Variants in TEP1 observed in about 807,000 individuals in gnomAD.
TEP1 encodes the protein telomerase associated protein 1.
Under a neutral mutation model 306.3 loss-of-function variants are expected in TEP1, and 241 were observed. The observed-to-expected ratio is 0.79, with a 90% confidence interval of 0.71 to 0.88. The LOEUF (loss-of-function observed/expected upper bound fraction) is 0.88, where lower values mean the gene tolerates loss of function less well. TEP1 is among the 40% of genes least tolerant of loss of function. TEP1 has a pLI of 0.00. For missense variants in TEP1, 3,051 were observed against 3,276.1 expected (o/e 0.93, Z 1.68); for synonymous variants, 1,289 against 1,305.5 (o/e 0.99, Z 0.27).
chr14:20,384,267 CCATG>C, intron 23 of TEP1, 35 bp from the exon 24 acceptor site: 2 of 1,609,808 alleles, frequency 1.2e-6, no homozygotes, highest in South Asian at 2.2e-5. Flanking sequence ...ATCCATGGTG[CCATG>C]CTCCTCAGCA....
At chr14:20,408,607 G>A in intron 1 of TEP1, 144 bp from the exon 2 acceptor site, 1 of 680,158 alleles carries the variant, frequency 1.5e-6, no homozygotes, top group Non-Finnish European at 2.4e-6. Context: ...CCAGGACTGG[G>A]TTCATCCAGA....
chr14:20,388,163 G>A (rs1276626758), intron 17 of TEP1, 100 bp from the exon 18 acceptor site: 1 of 1,353,056 alleles, frequency 7.4e-7, no homozygotes, highest in Non-Finnish European at 1.0e-6. Flanking sequence ...TCCAGGTTTG[G>A]TGACCAGTTA....
At chr14:20,389,528 G>C in intron 16 of TEP1, 82 bp downstream of exon 16, 1 of 1,573,140 alleles carries the variant, frequency 6.4e-7, no homozygotes, top group Non-Finnish European at 8.6e-7. Context: ...CCAAGTGGGA[G>C]TGTCCTATGC....
intron 12 of TEP1, among the ~76,000 whole-genome samples, chr14:20,392,549 T>G (rs1245758239): frequency 6.6e-6 from 1 of 152,236 alleles, no homozygotes; most frequent in Admixed American, 6.5e-5. Context: ...ATATGGGATA[T>G]TCTTTGGGGT....
chr14:20,378,453 C>T lies in TEP1; in HGVS notation c.5435G>A (p.Gly1812Glu), dbSNP rs780360599. 9 of 1,614,222 alleles carry T rather than the reference C, an allele frequency of 5.6e-6. No individual in the cohort carries two copies. The Admixed American group carries it at 1.5e-4, about 27-fold the overall frequency. ...SLNCVAFHPE[G>E]QVIATGSWAG... ...CCAGCTGCCTGTGGCTATTACCTGC[C>T]CCTCTGGGTGGAAGGCAACACAGTT... The change falls in exon 38 of 55, where the codon GGG (glycine) becomes GAG (glutamate). Residue 1812 changes from glycine (G) to glutamate (E), a missense_variant. This residue lies in a region of TEP1 where 1,540 missense variants were observed against 1,705.9 expected (regional missense o/e 0.90). Transcript: ENST00000262715.
At chr14:20,402,612 G>C (rs567465613) in intron 7 of TEP1, among the ~76,000 whole-genome samples, 49 of 152,154 alleles carry the variant, frequency 3.2e-4, no homozygotes, top group African/African-American at 7.7e-4. Flanking sequence ...CATTTAATAC[G>C]TGAGAAAACT....
In TEP1 at chr14:20,376,953, C is replaced by T. The variant is rs187016543; in HGVS notation, c.6088+327G>A. Among the ~76,000 whole-genome samples the T allele has an allele frequency of 1.4e-3, 212 of 152,288 alleles. 1 individual carries two copies. The highest frequency in any genetic ancestry group is 1.1e-3 in the Admixed American group (17 of 15,304). The stretch of plus-strand genomic sequence containing the variant: ...TTTGTGGGCCAGGCGCAATGGCTCA[C>T]GTCTGTAATCCCAGCACTTTGGGAG... On this transcript the variant is annotated intron_variant, in intron 41 of 54. Transcript: ENST00000262715.
chr14:20,374,884 G>A (rs1885080337), intron 43 of TEP1, among the ~76,000 whole-genome samples: 1 of 152,080 alleles, frequency 6.6e-6, no homozygotes, highest in Non-Finnish European at 1.5e-5. Flanking sequence ...GAGGTCAGGA[G>A]TTCAAGACCA....
rs1566435324 is a variant in TEP1 at position 20,369,336 on chromosome 14, A to G, written c.7656+8T>C. 6.2e-7 allele frequency: 1 copy of G among 1,614,010 alleles called. No homozygotes were observed. The highest frequency in any genetic ancestry group is 8.5e-7 in the Non-Finnish European group (1 of 1,179,950). The stretch of plus-strand genomic sequence containing the variant: ...CCCTAGTATTTCTGACCCTTCCTTC[A>G]AACTCACCTTTCTACGCTGCCGTGT... On this transcript the variant is annotated splice_region_variant and intron_variant, in intron 53 of 54. Transcript: ENST00000262715.
intron 11 of TEP1, 98 bp downstream of exon 11, chr14:20,395,761 T>A: frequency 2.0e-6 from 3 of 1,507,708 alleles, no homozygotes; most frequent in Middle Eastern, 1.7e-4. Flanking sequence ...CGATACACCC[T>A]GAGACTGCAA....
In TEP1 at chr14:20,403,401, C is replaced by G; in HGVS notation, c.1242G>C (p.Gly414=). The change falls in exon 7 of 55, where the codon GGG becomes GGC. Residue 414 remains glycine, a synonymous_variant. Coordinates refer to ENST00000262715, the MANE Select transcript of TEP1 (RefSeq NM_007110.5). ...FSHRCFPRYI[G]FLREEQRKFE... is the part of the protein sequence containing the mutation. ...CCTTTCTCTGCTCTTCTCTGAGAAACCCTATGTACCTTGGAAAACATCTGT... is the reference window on the plus strand; with the variant it reads ...CCTTTCTCTGCTCTTCTCTGAGAAAGCCTATGTACCTTGGAAAACATCTGT... 6.2e-7 allele frequency: 1 copy of G among 1,614,166 alleles called. No homozygotes were observed. The highest frequency in any genetic ancestry group is 8.5e-7 in the Non-Finnish European group (1 of 1,180,036).
Position 20,381,319 on chromosome 14 carries a change from G to T in TEP1, c.4641C>A (p.Tyr1547Ter). The T allele has an allele frequency of 6.2e-7, 1 of 1,614,198 alleles. No individual in the cohort carries two copies. The highest frequency in any genetic ancestry group is 8.5e-7 in the Non-Finnish European group (1 of 1,180,000). Residue 1547 changes from tyrosine to a stop codon, truncating the protein, a stop_gained, in exon 32 of 55, where the codon TAC (tyrosine) becomes TAA (stop). Coordinates refer to ENST00000262715, the MANE Select transcript of TEP1 (RefSeq NM_007110.5). LOFTEE classifies it high-confidence loss of function. The surrounding 1 kb of genome is among the most constrained non-coding windows in gnomAD (Gnocchi z 4.0). ...CPPEALGDLP[Y>*]HLLQSGNRGL... Reference sequence around the variant, plus strand: ...ATGGGGTCTAGGAACTAACCAGGTGGTAAGGCAGGTCTCCCAGAGCCTCAG... The same window carrying T: ...ATGGGGTCTAGGAACTAACCAGGTGTTAAGGCAGGTCTCCCAGAGCCTCAG...
At chr14:20,398,376 C>CAA (rs202032916) in intron 9 of TEP1, among the ~76,000 whole-genome samples, 6 of 89,072 alleles carry the variant, frequency 6.7e-5, no homozygotes, top group African/African-American at 7.2e-5. Flanking sequence ...AGACTCCGCC[C>CAA]AAAAAAAAAA....
chr14:20,396,783 G>C (rs1376203182), intron 9 of TEP1, 53 bp from the exon 10 acceptor site: 1 of 1,299,230 alleles, frequency 7.7e-7, no homozygotes, highest in Non-Finnish European at 1.1e-6. Flanking sequence ...GCCAGGCACA[G>C]TGGCATGCAC....
chr14:20,407,947 C>T lies in TEP1; in HGVS notation c.493G>A (p.Gly165Arg), dbSNP rs1267680085. The change falls in exon 2 of 55, where the codon GGA becomes AGA. Residue 165 changes from glycine to arginine, a missense_variant. Coordinates refer to ENST00000262715, the MANE Select transcript of TEP1 (RefSeq NM_007110.5). ...PSWRAQHFSK[G>R]LDLSTCPIAL... ...ATAGGGCAGGTTGAAAGGTCTAGTC[C>T]CTTAGAGAAATGCTGAGCCCTCCAA... The T allele has an allele frequency of 1.9e-6, 3 of 1,614,024 alleles. No individual in the cohort carries two copies. The highest frequency in any genetic ancestry group is 2.7e-5 in the African/African-American group (2 of 74,898).
chr14:20,396,103 A>G (rs1166711645), intron 10 of TEP1, among the ~76,000 whole-genome samples, 154 bp from the exon 11 acceptor site: 1 of 152,200 alleles, frequency 6.6e-6, no homozygotes, highest in Non-Finnish European at 1.5e-5. Context: ...GAAAGAAAAA[A>G]GTCATCATTT....
At chr14:20,406,506 T>G (rs925454040) in intron 2 of TEP1, 106 bp from the exon 3 acceptor site, 1 of 1,124,896 alleles carries the variant, frequency 8.9e-7, no homozygotes, top group African/African-American at 1.5e-5. Flanking sequence ...TACATCTCCA[T>G]TAATAGCACC....
rs773750181 is a variant in TEP1 at position 20,369,488 on chromosome 14, C to T, written c.7512G>A (p.Met2504Ile). Residue 2504 changes from methionine (M) to isoleucine (I), a missense_variant, in exon 53 of 55, where the codon ATG (methionine) becomes ATA (isoleucine). By Grantham distance (10) the Met-to-Ile change is conservative. Transcript: ENST00000262715. ...CTGGAGTGTTTGCTTTTTTCTGCCA[C>T]ATGTTACCTGTGGTCCATTCTCCTT... Reference protein sequence around the residue: ...SPEGEWTTGNMWQKKANTPET... With the variant: ...SPEGEWTTGNIWQKKANTPET... 16 of 1,614,162 alleles carry T rather than the reference C, an allele frequency of 9.9e-6. No individual in the cohort carries two copies. The highest frequency in any genetic ancestry group is 1.4e-5 in the Non-Finnish European group (16 of 1,180,028).
At position 20,371,334 on chromosome 14, in the gene TEP1, T is replaced by G. The variant is rs1282593701; in HGVS notation, c.7221-20A>C. ...CTGCTCCTGGTTTGTGAGAAAGGAA[T>G]AGGTTGAGCTCAGGATTTAAAGAGA... On this transcript the variant is annotated intron_variant, in intron 50 of 54. Coordinates refer to ENST00000262715, the MANE Select transcript of TEP1 (RefSeq NM_007110.5). 10 of 1,609,582 alleles carry G rather than the reference T, an allele frequency of 6.2e-6. No individual in the cohort carries two copies. Among genetic ancestry groups the G allele is most frequent in the Non-Finnish European group, 8.5e-6 (10 of 1,175,830 alleles).
Sources: gnomAD v4.1 joint callset for allele counts (sites outside exome capture counted in the v4.1 genomes callset) on GRCh38, gnomAD v4.1.1 for gene constraint, gnomAD v4.1.1 regional missense constraint, Gnocchi (gnomAD v3.1) non-coding constraint, MANE v1.5 for transcripts, NCBI Gene and HGNC (gene_info 2026-07-23, HGNC 2026-07-21) for gene names.